The following TRPM4 variants were observed in gnomAD, a reference collection of about 807,000 sequenced individuals.
TRPM4 encodes the protein calcium-activated non-selective cation channel 1.
In TRPM4, 124 loss-of-function variants were observed where a neutral mutation model predicts 135.6. The ratio of observed to expected loss-of-function variants is 0.91; its 90% confidence interval spans 0.79 to 1.06. TRPM4 has a LOEUF of 1.06. Ranked by LOEUF, TRPM4 falls within the 50% of genes least tolerant of loss-of-function variation. The pLI, the probability that TRPM4 is intolerant of heterozygous loss-of-function variation, is 0.00. For missense variants in TRPM4, 1,658 were observed against 1,671.4 expected (o/e 0.99, Z 0.14); for synonymous variants, 745 against 705.6 (o/e 1.06, Z -0.88).
rs930307584 is a variant in TRPM4, at chr19:49,167,959, A to G, written c.310A>G (p.Ser104Gly). The change falls in exon 4 of 25, where the codon AGT becomes GGT. Residue 104 changes from serine (S) to glycine (G), a missense_variant. Transcript: ENST00000252826. ...SDRTDPAAVY[S>G]LVTRTWGFRA... The stretch of plus-strand genomic sequence containing the variant: ...CCGAACGGATCCAGCTGCAGTTTAT[A>G]GTCTGGTCACACGCACATGGGGCTT... The G allele has an allele frequency of 6.2e-7, 1 of 1,614,068 alleles. No individual in the cohort carries two copies. The highest frequency in any genetic ancestry group is 8.5e-7 in the Non-Finnish European group (1 of 1,180,034).
rs1968007501 is a variant in TRPM4 at position 49,182,451 on chromosome 19, C to CCCATCCACCCAT, written c.1264-120_1264-119insCCCATCCATCCA. 4.4e-6 allele frequency: 3 copies of CCCATCCACCCAT among 687,692 alleles called. No homozygotes were observed. The Admixed American group carries it at 6.4e-5, about 15-fold the overall frequency. The allele number at this position is 687,692 out of a possible 1,614,324, so 42.6% of individuals were successfully genotyped here. On this transcript the variant is annotated intron_variant, in intron 10 of 24. Transcript: ENST00000252826. ...ACCTATCCATTCATCCATCCATCCA[C>CCCATCCACCCAT]CCATCCATCCATCCATCCATCCATC...
intron 9 of TRPM4, among the ~76,000 whole-genome samples, chr19:49,174,790 C>T (rs16981121): frequency 6.6e-6 from 1 of 150,504 alleles, no homozygotes; most frequent in Non-Finnish European, 1.5e-5. Flanking sequence ...ATAAACTGGA[C>T]CTTGATAAGT....
At position 49,158,212 on chromosome 19, in the gene TRPM4, CAAG is replaced by C. The variant is rs1361734644; in HGVS notation, c.53_55del (p.Lys18del). 2.5e-6 allele frequency: 4 copies of C among 1,613,762 alleles called. No individual in the cohort carries two copies. In the South Asian group the frequency reaches 4.4e-5, roughly 18 times the overall value. On this transcript the variant is annotated inframe_deletion, in exon 2 of 25. Transcript: ENST00000252826. ...CCCAGAGCTGGATCCCCAAGATCTT[CAAG>C]AAGAAGACCTGCACGACGTTCATAG... is the stretch of plus-strand genomic sequence containing the variant.
intron 9 of TRPM4, among the ~76,000 whole-genome samples, chr19:49,175,709 G>A (rs1967661738): frequency 6.8e-6 from 1 of 146,808 alleles, no homozygotes; most frequent in Non-Finnish European, 1.5e-5. Context: ...CGCCCAGGCT[G>A]GAGTGCAGTG....
intron 20 of TRPM4, among the ~76,000 whole-genome samples, chr19:49,203,330 C>A (rs967311622): frequency 2.6e-5 from 4 of 151,934 alleles, no homozygotes; most frequent in Non-Finnish European, 5.9e-5. Context: ...CAGGCGTGCG[C>A]CACCACACCT....
chr19:49,179,613 G>A (rs889393390), intron 9 of TRPM4, among the ~76,000 whole-genome samples: 9 of 152,228 alleles, frequency 5.9e-5, no homozygotes, highest in African/African-American at 2.2e-4. Context: ...GCCTCCCAAA[G>A]TGCTGGGATT....
chr19:49,204,700 T>C (rs1969078856), intron 20 of TRPM4, among the ~76,000 whole-genome samples: 1 of 151,412 alleles, frequency 6.6e-6, no homozygotes, highest in South Asian at 2.1e-4. Context: ...TGGCTTGTTT[T>C]TTTAATTTTT....
intron 20 of TRPM4, among the ~76,000 whole-genome samples, chr19:49,203,343 C>G (rs548306405): frequency 2.7e-5 from 4 of 149,918 alleles, no homozygotes; most frequent in African/African-American, 9.9e-5. Context: ...CCACACCTGG[C>G]TAATTTTTTG....
intron 2 of TRPM4, among the ~76,000 whole-genome samples, chr19:49,164,238 TTTC>T (rs1245197977): frequency 6.6e-6 from 1 of 150,380 alleles, no homozygotes; most frequent in Non-Finnish European, 1.5e-5. Context: ...TCTCTCTCTC[TTTC>T]TTTCTTTCTC....
intron 9 of TRPM4, among the ~76,000 whole-genome samples, chr19:49,175,706 G>T (rs947469620): frequency 3.8e-4 from 57 of 149,490 alleles, no homozygotes; most frequent in Non-Finnish European, 7.3e-4. Context: ...TGTCGCCCAG[G>T]CTGGAGTGCA....
intron 9 of TRPM4, among the ~76,000 whole-genome samples, chr19:49,177,330 CTTTTTT>C (rs36041791): frequency 0.079 from 9,241 of 117,260 alleles, 655 homozygotes; most frequent in African/African-American, 0.21. Context: ...ATGAATGCGT[CTTTTTT>C]TTTTTTTTTT....
chr19:49,202,149 C>A lies in TRPM4; in HGVS notation c.3131+8C>A, dbSNP rs768156836. 6.2e-7 allele frequency: 1 copy of A among 1,613,916 alleles called. No individual in the cohort carries two copies. Among genetic ancestry groups the A allele is most frequent in the South Asian group, 1.1e-5 (1 of 91,068 alleles). Reference sequence around the variant, plus strand: ...GCTCATTGCCATGTTCAGGTGAGGCCTGACTGCTCTCTGATCTGACCCCAC... The same window carrying A: ...GCTCATTGCCATGTTCAGGTGAGGCATGACTGCTCTCTGATCTGACCCCAC... On this transcript the variant is annotated splice_region_variant and intron_variant, in intron 20 of 24. Transcript: ENST00000252826.
intron 9 of TRPM4, 53 bp from the exon 10 acceptor site, chr19:49,181,296 C>A: frequency 7.6e-7 from 1 of 1,324,464 alleles, no homozygotes; most frequent in Non-Finnish European, 1.1e-6. Context: ...AGACATTCAG[C>A]AGATGTCCCT....
intron 17 of TRPM4, 125 bp from the exon 18 acceptor site, chr19:49,200,175 C>A: frequency 1.7e-5 from 24 of 1,449,964 alleles, no homozygotes; most frequent in Non-Finnish European, 2.3e-5. Context: ...CCCCGGGTGA[C>A]TGGGAGGGTC....
intron 20 of TRPM4, among the ~76,000 whole-genome samples, chr19:49,207,566 G>A (rs1969194183): frequency 6.7e-6 from 1 of 148,368 alleles, no homozygotes; most frequent in South Asian, 2.1e-4. Context: ...GGAGGTCAAG[G>A]CTGTGGCTTC....
At chr19:49,166,314 C>T (rs937208213) in intron 3 of TRPM4, 99 bp downstream of exon 3, 2 of 1,274,820 alleles carry the variant, frequency 1.6e-6, no homozygotes, top group African/African-American at 3.0e-5. Flanking sequence ...CCTGGCCCCT[C>T]CGCCCATCCC....
At chr19:49,193,149 C>T (rs963265240) in intron 16 of TRPM4, among the ~76,000 whole-genome samples, 7 of 147,266 alleles carry the variant, frequency 4.8e-5, no homozygotes, top group African/African-American at 1.0e-4. Flanking sequence ...GGCATGATCT[C>T]GGCTCACTGC....
chr19:49,189,198 C>G (rs1968317442), intron 14 of TRPM4, 107 bp downstream of exon 14: 1 of 1,496,152 alleles, frequency 6.7e-7, no homozygotes, highest in Non-Finnish European at 9.2e-7. Context: ...ACCAGCCACT[C>G]TCCCTGGAGA....
In TRPM4 at chr19:49,172,008, G is replaced by GTTCT; in HGVS notation, c.1051-1_1051insTTCT (p.Val351PhefsTer18). ...GGGATGCAGAACTGGCTATTCCACAGGTGGAGAGGATTATGACCCGGAAGG... is the reference window on the plus strand; with the variant it reads ...GGGATGCAGAACTGGCTATTCCACAGTTCTGTGGAGAGGATTATGACCCGGAAGG... On this transcript the variant is annotated frameshift_variant and splice_region_variant. Transcript: ENST00000252826. LOFTEE classifies it high-confidence loss of function. The GTTCT allele has an allele frequency of 6.2e-7, 1 of 1,613,056 alleles. No individual in the cohort carries two copies.
Sources: allele counts gnomAD v4.1 joint callset (sites outside exome capture counted in the v4.1 genomes callset), GRCh38; gene constraint gnomAD v4.1.1; transcripts MANE v1.5; gene names NCBI Gene and HGNC (gene_info 2026-07-23, HGNC 2026-07-21).